The following MRPL34 variants were observed in gnomAD, a reference collection of about 807,000 sequenced individuals.
MRPL34 encodes large ribosomal subunit protein bL34m.
Under a neutral mutation model 6.7 loss-of-function variants are expected in MRPL34, and 8 were observed. The observed-to-expected ratio is 1.20, with a 90% CI of 0.70 to 2.16. The LOEUF is 2.16. MRPL34 is among the 30% of genes most tolerant of loss of function. The pLI, the probability that MRPL34 is intolerant of heterozygous loss-of-function variation, is 0.00. For missense variants in MRPL34, 146 were observed against 125.5 expected, an observed-to-expected ratio of 1.16 and a Z score of -0.78; for synonymous variants, 59 against 55.1, an observed-to-expected ratio of 1.07 and a Z score of -0.31.
chr19:17,305,241 CTTT>C (rs34823570), upstream of MRPL34, among the ~76,000 whole-genome samples: 1,258 of 121,188 alleles, frequency 0.01, 11 homozygotes, highest in African/African-American at 0.032. Context: ...ATTTTTCTTC[CTTT>C]TTTTTTTTTT....
upstream of MRPL34, among the ~76,000 whole-genome samples, chr19:17,299,517 C>A (rs577046116): frequency 2.1e-5 from 3 of 144,722 alleles, no homozygotes; most frequent in Non-Finnish European, 3.0e-5. Context: ...GCCAGGATCA[C>A]GCCACTGCAC....
intron 1 of MRPL34, chr19:17,294,238 G>A: frequency 2.5e-6 from 4 of 1,574,346 alleles, no homozygotes; most frequent in Non-Finnish European, 3.4e-6. Flanking sequence ...CCCCTCCCGG[G>A]CAGCACCCTG....
upstream of MRPL34, chr19:17,305,542 A>C: frequency 6.8e-6 from 2 of 294,692 alleles, no homozygotes; most frequent in South Asian, 2.9e-5. Flanking sequence ...AGCTGCCACC[A>C]GCTGCGCCCG....
At chr19:17,301,247 G>C (rs1036904356), upstream of MRPL34, 4 of 1,597,120 alleles carry the variant, frequency 2.5e-6, no homozygotes, top group South Asian at 3.3e-5. Flanking sequence ...CTGCCCGCCG[G>C]ATCTGCCAGC....
upstream of MRPL34, among the ~76,000 whole-genome samples, chr19:17,303,906 C>T (rs2074133758): frequency 6.6e-6 from 1 of 152,192 alleles, no homozygotes; most frequent in African/African-American, 2.4e-5. Flanking sequence ...GGACTTGAAC[C>T]CAAGGCTGTG....
chr19:17,304,391 A>C (rs963177565), upstream of MRPL34, among the ~76,000 whole-genome samples: 18 of 152,242 alleles, frequency 1.2e-4, no homozygotes, highest in Non-Finnish European at 2.9e-5. Flanking sequence ...TTTGCTACGC[A>C]GGTAAAGCAC....
chr19:17,296,069 T>A (rs1036682189), intron 1 of MRPL34: 2 of 152,270 alleles, frequency 1.3e-5, no homozygotes, highest in African/African-American at 4.8e-5. Context: ...AAGCCAAGAT[T>A]CTTCCCCTGG....
At chr19:17,294,552 G>T in intron 1 of MRPL34, 1 of 1,611,266 alleles carries the variant, frequency 6.2e-7, no homozygotes, top group Non-Finnish European at 8.5e-7. Flanking sequence ...CAGCCCGACT[G>T]CCGTGGGGTG....
At chr19:17,295,821 C>A (rs1231303758) in intron 1 of MRPL34, among the ~76,000 whole-genome samples, 1 of 152,232 alleles carries the variant, frequency 6.6e-6, no homozygotes, top group African/African-American at 2.4e-5. Flanking sequence ...GATCCTCCCA[C>A]CTCAGCCTTC....
chr19:17,292,942 C>T, intron 1 of MRPL34: 1 of 1,219,726 alleles, frequency 8.2e-7, no homozygotes, highest in Non-Finnish European at 1.1e-6. Flanking sequence ...AAAGTCCCTC[C>T]TCCCATCTAC....
At chr19:17,301,408 C>T (rs760274265), upstream of MRPL34, 1 of 1,612,120 alleles carries the variant, frequency 6.2e-7, no homozygotes, top group South Asian at 1.1e-5. Flanking sequence ...GGAGAGGTCC[C>T]CCTGGGCTGC....
upstream of MRPL34, among the ~76,000 whole-genome samples, chr19:17,300,379 C>G (rs1191242517): frequency 6.6e-6 from 1 of 151,964 alleles, no homozygotes; most frequent in African/African-American, 2.4e-5. Flanking sequence ...AATGTTTGTA[C>G]TTTTTGTAGA....
chr19:17,301,164 G>C (rs370047329), upstream of MRPL34: 2 of 1,610,312 alleles, frequency 1.2e-6, no homozygotes, highest in African/African-American at 1.3e-5. Context: ...TGGGGCGCCT[G>C]GCTCGCCGCC....
rs920338152 is a variant in MRPL34, at chr19:17,306,016, G to C, written c.65+59G>C. On this transcript the variant is annotated intron_variant, in intron 1 of 1. Transcript: ENST00000252602. ...GGAATAAGGGCGGCTTCGGAGGCTGGCGCCACTCTTCACTGCCCGCGTGAC... is the reference window on the plus strand; with the variant it reads ...GGAATAAGGGCGGCTTCGGAGGCTGCCGCCACTCTTCACTGCCCGCGTGAC... 5.6e-6 allele frequency: 9 copies of C among 1,597,782 alleles called. No individual in the cohort carries two copies. The Admixed American group carries it at 6.7e-5, about 12-fold the overall frequency.
At chr19:17,300,808 T>C, upstream of MRPL34, 2 of 1,540,448 alleles carry the variant, frequency 1.3e-6, no homozygotes, top group Non-Finnish European at 1.8e-6. Context: ...CTGTAGTCCC[T>C]GCTGACCCCA....
At chr19:17,292,586 TGCAGACCTGGC>T, upstream of MRPL34, 2 of 1,467,578 alleles carry the variant, frequency 1.4e-6, no homozygotes, top group Non-Finnish European at 9.1e-7. Flanking sequence ...TGGTCTGCGC[TGCAGACCTGGC>T]GCAGGCTCGG....
chr19:17,297,721 A>G (rs906327419), intron 1 of MRPL34: 1 of 147,630 alleles, frequency 6.8e-6, no homozygotes, highest in Non-Finnish European at 1.5e-5. Context: ...TTAGATACTT[A>G]TGTAACTTCT....
intron 1 of MRPL34, among the ~76,000 whole-genome samples, chr19:17,293,309 C>A (rs999578293): frequency 6.6e-6 from 1 of 152,026 alleles, no homozygotes; most frequent in South Asian, 2.1e-4. Flanking sequence ...GTTTGTCAGG[C>A]TGATCTCCAA....
At chr19:17,295,630 ACTC>A (rs1480928106) in intron 1 of MRPL34, among the ~76,000 whole-genome samples, 4 of 151,234 alleles carry the variant, frequency 2.6e-5, no homozygotes, top group South Asian at 4.2e-4. Flanking sequence ...CTGGTCGAGA[ACTC>A]CTGACCTCAA....
Sources: allele counts gnomAD v4.1 joint callset (sites outside exome capture counted in the v4.1 genomes callset), GRCh38; gene constraint gnomAD v4.1.1; transcripts MANE v1.5; gene names NCBI Gene and HGNC (gene_info 2026-07-23, HGNC 2026-07-21).